Variants in RIPOR3 observed in about 807,000 individuals in gnomAD.
RIPOR3 encodes RIPOR family member 3.
RIPOR3 carries 95 observed loss-of-function variants against 114.3 expected under a neutral mutation model. The ratio of observed to expected loss-of-function variants is 0.83; its 90% CI spans 0.70 to 0.99. RIPOR3 has a LOEUF of 0.99. RIPOR3 is among the 50% of genes least tolerant of loss of function. The pLI is 0.00. For synonymous variants in RIPOR3, 575 were observed against 543.8 expected, an observed-to-expected ratio of 1.06 and a Z score of -0.80; for missense variants, 1,252 against 1,266.9, an observed-to-expected ratio of 0.99 and a Z score of 0.18.
At chr20:50,654,562 G>A (rs2123421921) in intron 1 of RIPOR3, among the ~76,000 whole-genome samples, 1 of 149,854 alleles carries the variant, frequency 6.7e-6, no homozygotes, top group African/African-American at 2.4e-5. Context: ...TAAGTCCCCA[G>A]CACTAAGAGG....
chr20:50,616,916 G>A (rs1391440146), intron 3 of RIPOR3, among the ~76,000 whole-genome samples: 1 of 152,198 alleles, frequency 6.6e-6, no homozygotes, highest in Non-Finnish European at 1.5e-5. Flanking sequence ...GCCGAGGTGG[G>A]CGGATCACAA....
At chr20:50,635,678 G>A (rs2084959597) in intron 1 of RIPOR3, among the ~76,000 whole-genome samples, 1 of 151,958 alleles carries the variant, frequency 6.6e-6, no homozygotes, top group African/African-American at 2.4e-5. Context: ...AGGAAAGAAG[G>A]AAAGGAAAAA....
chr20:50,639,110 T>G (rs1428185650), intron 1 of RIPOR3, among the ~76,000 whole-genome samples: 3 of 151,980 alleles, frequency 2.0e-5, no homozygotes, highest in African/African-American at 7.3e-5. Context: ...GGTGTCGTGG[T>G]GCATGCCTGT....
chr20:50,624,642 G>C (rs2084550150), intron 2 of RIPOR3, among the ~76,000 whole-genome samples: 1 of 152,218 alleles, frequency 6.6e-6, no homozygotes, highest in Admixed American at 6.5e-5. Flanking sequence ...TGTCACAGAA[G>C]CCGGGGCAGG....
chr20:50,611,899 A>G (rs1037477906), intron 4 of RIPOR3, among the ~76,000 whole-genome samples: 1 of 152,254 alleles, frequency 6.6e-6, no homozygotes, highest in South Asian at 2.1e-4. Context: ...TGAGGTGGTC[A>G]GATCACTTGA....
rs529410533 is a variant in RIPOR3, at chr20:50,589,084, G to GAAAA, written c.2661+598_2661+601dup. Among the ~76,000 whole-genome samples the GAAAA allele has an allele frequency of 2.8e-3, 254 of 89,516 alleles. 13 individuals are homozygous for GAAAA. The highest frequency in any genetic ancestry group is 9.2e-3 in the African/African-American group (202 of 21,844). 58.7% of individuals were successfully genotyped at this position (89,516 alleles called of 152,430 possible). ...GTGACAGAACAAGACTCCATCTCAA[G>GAAAA]AAAAAAAAAAAAAAAAAAAAAAAAA... On this transcript the variant is annotated intron_variant, in intron 20 of 21. Coordinates refer to ENST00000327979, the MANE Select transcript of RIPOR3 (RefSeq NM_001290268.2).
intron 9 of RIPOR3, 50 bp downstream of exon 9, chr20:50,608,862 C>A: frequency 6.2e-7 from 1 of 1,605,426 alleles, no homozygotes; most frequent in South Asian, 1.1e-5. Flanking sequence ...TCCCGTCCCC[C>A]AAAGACCTGG....
At chr20:50,601,113 G>C (rs1210586277) in intron 13 of RIPOR3, among the ~76,000 whole-genome samples, 1 of 152,178 alleles carries the variant, frequency 6.6e-6, no homozygotes, top group Non-Finnish European at 1.5e-5. Flanking sequence ...TGGGCCTGCC[G>C]GGGCCAGGTG....
chr20:50,591,851 C>T (rs989280112), intron 19 of RIPOR3, among the ~76,000 whole-genome samples: 3 of 152,232 alleles, frequency 2.0e-5, no homozygotes, highest in Non-Finnish European at 2.9e-5. Context: ...AATCCCAGCA[C>T]TTTGGGAAGC....
At chr20:50,625,660 G>A (rs774155607) in intron 2 of RIPOR3, among the ~76,000 whole-genome samples, 1 of 152,118 alleles carries the variant, frequency 6.6e-6, no homozygotes, top group Non-Finnish European at 1.5e-5. Flanking sequence ...CTCCTGGCTC[G>A]GGGAGTACCT....
chr20:50,606,495 C>T (rs187154872), intron 11 of RIPOR3, among the ~76,000 whole-genome samples: 28 of 152,296 alleles, frequency 1.8e-4, no homozygotes, highest in South Asian at 1.2e-3. Context: ...CCAACCATGG[C>T]TCAGATGGAA....
intron 11 of RIPOR3, among the ~76,000 whole-genome samples, chr20:50,606,969 A>G (rs560169644): frequency 6.0e-4 from 92 of 152,200 alleles, no homozygotes; most frequent in African/African-American, 2.2e-3. Context: ...ACCTCGGGTG[A>G]TCTGCCCACC....
chr20:50,602,666 G>GGCCTCACCA lies in RIPOR3; in HGVS notation c.1087-31_1087-23dup. The GGCCTCACCA allele has an allele frequency of 7.0e-7, 1 of 1,426,840 alleles. No homozygotes were observed. The highest frequency in any genetic ancestry group is 1.4e-5 in the African/African-American group (1 of 69,388). 88.4% of individuals were successfully genotyped at this position (1,426,840 alleles called of 1,614,324 possible). On this transcript the variant is annotated intron_variant, in intron 12 of 21. Coordinates refer to ENST00000327979, the MANE Select transcript of RIPOR3 (RefSeq NM_001290268.2). This position sits in a 1 kb window ranked among gnomAD's most constrained non-coding sequence, Gnocchi z 4.3. ...CAGACTGGAGAGGGGACACGGGAGCGGCCTCACCAGCCACCCCAGGGACCA... is the reference window on the plus strand; with the variant it reads ...CAGACTGGAGAGGGGACACGGGAGCGGCCTCACCAGCCTCACCAGCCACCCCAGGGACCA...
At chr20:50,657,351 A>G (rs931296249) in intron 1 of RIPOR3, among the ~76,000 whole-genome samples, 7 of 152,182 alleles carry the variant, frequency 4.6e-5, no homozygotes, top group Admixed American at 4.6e-4. Context: ...ACATGGCAAA[A>G]CCTCATCTCT....
intron 1 of RIPOR3, among the ~76,000 whole-genome samples, chr20:50,643,147 G>T (rs2085266837): frequency 6.7e-6 from 1 of 149,974 alleles, no homozygotes. Flanking sequence ...TTTTGAGATG[G>T]AGTCTCGCTC....
In RIPOR3 at chr20:50,612,455, A is replaced by G. The variant is rs543471842; in HGVS notation, c.349-1251T>C. ...TGACTCTAATTTTCACTGGCTGTTA[A>G]TTTCCAGTGGAGATTAGAGTCACTA... On this transcript the variant is annotated intron_variant, in intron 4 of 21. Coordinates refer to ENST00000327979, the MANE Select transcript of RIPOR3 (RefSeq NM_001290268.2). 2.8e-4 allele frequency among the ~76,000 whole-genome samples: 42 copies of G among 152,260 alleles called. 1 individual carries two copies. The highest frequency in any genetic ancestry group is 9.4e-4 in the African/African-American group (39 of 41,544).
In RIPOR3 at chr20:50,587,729, T is replaced by C. The variant is rs1248374432; in HGVS notation, c.2752+73A>G. 6.3e-6 allele frequency: 9 copies of C among 1,439,328 alleles called. No homozygotes were observed. In the East Asian group the frequency reaches 2.1e-4, roughly 33 times the overall value. The allele number at this position is 1,439,328 out of a possible 1,614,324, so 89.2% of individuals were successfully genotyped here. ...GAGTTGTTCTGCCTGCTGGGAGAGC[T>C]GGGTGTGGCCTCTCGCAGATTCTAA... On this transcript the variant is annotated intron_variant, in intron 21 of 21. Coordinates refer to ENST00000327979, the MANE Select transcript of RIPOR3 (RefSeq NM_001290268.2).
intron 19 of RIPOR3, among the ~76,000 whole-genome samples, chr20:50,591,287 G>A (rs548308907): frequency 1.3e-5 from 2 of 152,334 alleles, no homozygotes; most frequent in East Asian, 1.9e-4. Context: ...AGATAATGGT[G>A]TTAGAGTTGT....
At chr20:50,606,561 T>C (rs576959660) in intron 11 of RIPOR3, among the ~76,000 whole-genome samples, 3 of 152,196 alleles carry the variant, frequency 2.0e-5, no homozygotes, top group South Asian at 4.1e-4. Context: ...TCTATCTGCA[T>C]AGGGCGCCAT....
Sources: gnomAD v4.1 joint callset for allele counts (sites outside exome capture counted in the v4.1 genomes callset) on GRCh38, gnomAD v4.1.1 for gene constraint, Gnocchi (gnomAD v3.1) non-coding constraint, MANE v1.5 for transcripts, NCBI Gene and HGNC (gene_info 2026-07-23, HGNC 2026-07-21) for gene names.